The following TDRD12 variants were observed in gnomAD, a reference collection of about 807,000 sequenced individuals.
TDRD12 encodes the protein tudor domain containing 12.
A neutral mutation model predicts 133.5 loss-of-function variants in TDRD12; 158 were observed. The observed-to-expected ratio is 1.18, with a 90% CI of 1.04 to 1.35. The LOEUF (loss-of-function observed/expected upper bound fraction) is 1.35, where lower values mean the gene tolerates loss of function less well. Among genes scored for constraint, TDRD12 ranks in the 40% most tolerant of loss-of-function variants. The pLI, the probability that TDRD12 is intolerant of heterozygous loss-of-function variation, is 0.00. For synonymous variants in TDRD12, 460 were observed against 477.9 expected (o/e 0.96, Z 0.49); for missense variants, 1,443 against 1,321.3 (o/e 1.09, Z -1.43).
intron 25 of TDRD12, among the ~76,000 whole-genome samples, chr19:32,814,341 C>T (rs539187241): frequency 2.0e-5 from 3 of 152,328 alleles, no homozygotes; most frequent in Admixed American, 2.0e-4. Context: ...CACTCCTCCA[C>T]TCAAAGTTCT....
chr19:32,757,444 C>G (rs972746957), intron 8 of TDRD12, among the ~76,000 whole-genome samples: 6 of 152,190 alleles, frequency 3.9e-5, no homozygotes, highest in African/African-American at 1.4e-4. Context: ...TGATTTTTCA[C>G]TTAGGCAACA....
intron 1 of TDRD12, among the ~76,000 whole-genome samples, chr19:32,728,514 T>A (rs568116781): frequency 2.9e-4 from 44 of 152,298 alleles, no homozygotes; most frequent in Non-Finnish European, 5.7e-4. Context: ...ACAATTGTGT[T>A]CTTTATGAAT....
At chr19:32,824,965 C>G (rs1051781816), downstream of TDRD12, among the ~76,000 whole-genome samples, 8 of 152,148 alleles carry the variant, frequency 5.3e-5, no homozygotes, top group African/African-American at 1.9e-4. Context: ...GAAGCGGTGT[C>G]TTGTTCTTGT....
rs1267075477 is a variant in TDRD12 at position 32,743,000 on chromosome 19, A to G, written c.440+100A>G. On this transcript the variant is annotated intron_variant, in intron 4 of 27. Transcript: ENST00000444215. ...CAGTTCCTCTGTAGAAGTGCTGAGC[A>G]GGAGGTCTCTGTTCTTCAGGAGGGG... is the stretch of plus-strand genomic sequence containing the variant. 6.4e-6 allele frequency: 9 copies of G among 1,408,622 alleles called. No individual in the cohort carries two copies. The African/African-American group carries it at 7.2e-5, about 11-fold the overall frequency. The allele number at this position is 1,408,622 out of a possible 1,614,324, so 87.3% of individuals were successfully genotyped here. A position where few individuals can be genotyped will look rare whatever the true frequency, so the allele number is the denominator to read the frequency against.
chr19:32,746,744 G>A (rs925961214), intron 4 of TDRD12, among the ~76,000 whole-genome samples: 1 of 150,600 alleles, frequency 6.6e-6, no homozygotes, highest in Non-Finnish European at 1.5e-5. Context: ...TATTCTGTGT[G>A]TGAGAGAGAC....
At chr19:32,799,020 C>T (rs1050067891) in intron 16 of TDRD12, among the ~76,000 whole-genome samples, 2 of 152,164 alleles carry the variant, frequency 1.3e-5, no homozygotes, top group Non-Finnish European at 1.5e-5. Flanking sequence ...GGATATTCAA[C>T]ATAATTTGTA....
chr19:32,825,086 G>A (rs909518272), downstream of TDRD12, among the ~76,000 whole-genome samples: 4 of 152,072 alleles, frequency 2.6e-5, no homozygotes, highest in South Asian at 4.1e-4. The surrounding 1 kb of genome is among the most constrained non-coding windows in gnomAD (Gnocchi z 4.1). Context: ...TCCTCTGCTC[G>A]CCTCCTCTCA....
At chr19:32,729,473 T>C (rs1379878906) in intron 1 of TDRD12, among the ~76,000 whole-genome samples, 1 of 151,804 alleles carries the variant, frequency 6.6e-6, no homozygotes, top group Non-Finnish European at 1.5e-5. Context: ...CGTCTCGGCC[T>C]CCCAAAGTGC....
At chr19:32,788,787 GTC>G (rs1238401006) in intron 11 of TDRD12, among the ~76,000 whole-genome samples, 5 of 152,164 alleles carry the variant, frequency 3.3e-5, no homozygotes, top group East Asian at 1.9e-4. Flanking sequence ...TGGGCTGTGG[GTC>G]TCTCTGGGGA....
intron 25 of TDRD12, 114 bp downstream of exon 25, chr19:32,813,890 G>C: frequency 1.5e-6 from 1 of 666,550 alleles, no homozygotes; most frequent in Non-Finnish European, 2.5e-6. Flanking sequence ...TGACTTATTT[G>C]GGGATTTGTT....
chr19:32,792,641 A>G (rs1599592758), intron 13 of TDRD12, among the ~76,000 whole-genome samples: 1 of 152,196 alleles, frequency 6.6e-6, no homozygotes, highest in Non-Finnish European at 1.5e-5. Context: ...ATGAAGGAAG[A>G]TGATAGGACA....
intron 1 of TDRD12, among the ~76,000 whole-genome samples, chr19:32,730,408 G>A (rs913504598): frequency 6.6e-6 from 1 of 152,094 alleles, no homozygotes; most frequent in African/African-American, 2.4e-5. Flanking sequence ...TCTTTCAAGG[G>A]TTGAATCTCC....
chr19:32,803,187 A>G (rs1971451430), intron 21 of TDRD12, 45 bp downstream of exon 21: 2 of 1,335,988 alleles, frequency 1.5e-6, no homozygotes, highest in Non-Finnish European at 2.0e-6. Context: ...TATAACCTGC[A>G]GTAAGGTGCA....
chr19:32,776,395 C>T (rs1475744132), intron 10 of TDRD12, among the ~76,000 whole-genome samples: 1 of 152,138 alleles, frequency 6.6e-6, no homozygotes, highest in Non-Finnish European at 1.5e-5. Flanking sequence ...CTGGGTGCAG[C>T]CCCAAGATCA....
intron 2 of TDRD12, among the ~76,000 whole-genome samples, chr19:32,735,768 G>C (rs373562338): frequency 6.6e-6 from 1 of 152,116 alleles, no homozygotes; most frequent in Non-Finnish European, 1.5e-5. Context: ...TCAGGAGTTC[G>C]AGACCAGCCT....
intron 11 of TDRD12, among the ~76,000 whole-genome samples, chr19:32,780,235 C>T (rs934609459): frequency 5.3e-5 from 8 of 152,048 alleles, no homozygotes; most frequent in African/African-American, 1.9e-4. Context: ...AGGCGCATGC[C>T]ACCATGCCCA....
At chr19:32,728,503 G>A (rs76806895) in intron 1 of TDRD12, among the ~76,000 whole-genome samples, 1,536 of 152,120 alleles carry the variant, frequency 0.01, 26 homozygotes, top group African/African-American at 0.035. Flanking sequence ...TCTCTGTGTA[G>A]ACAATTGTGT....
At chr19:32,753,848 G>A (rs1969911027) in intron 6 of TDRD12, among the ~76,000 whole-genome samples, 1 of 151,804 alleles carries the variant, frequency 6.6e-6, no homozygotes, top group African/African-American at 2.4e-5. Flanking sequence ...TTCTCCACCA[G>A]TGAGAAACCT....
In TDRD12 at chr19:32,720,052, C is replaced by A; in HGVS notation, c.-21C>A. 6.5e-7 allele frequency: 1 copy of A among 1,548,146 alleles called. No individual in the cohort carries two copies. The highest frequency in any genetic ancestry group is 8.7e-7 in the Non-Finnish European group (1 of 1,146,190). On this transcript the variant is annotated 5_prime_UTR_variant, in exon 1 of 28. It adds an upstream start codon to the 5' untranslated region. Transcript: ENST00000444215. The stretch of plus-strand genomic sequence containing the variant: ...GGACTTCCAGGGCGAGGGGGCCCAT[C>A]TGCCCTCGGGCGCCAGGAGGATGCT...
Sources: gnomAD v4.1 joint callset for allele counts (sites outside exome capture counted in the v4.1 genomes callset) on GRCh38, gnomAD v4.1.1 for gene constraint, Gnocchi (gnomAD v3.1) non-coding constraint, MANE v1.5 for transcripts, NCBI Gene and HGNC (gene_info 2026-07-23, HGNC 2026-07-21) for gene names.